Variants in SMYD3 observed in about 807,000 individuals in gnomAD.
The protein encoded by SMYD3 is SET and MYND domain containing 3.
A neutral mutation model predicts 57.7 loss-of-function variants in SMYD3; 36 were observed. The observed-to-expected ratio is 0.62, with a 90% CI of 0.48 to 0.82. The LOEUF is 0.82. Ranked by LOEUF, SMYD3 falls within the 40% of genes least tolerant of loss-of-function variation. The probability of loss-of-function intolerance (pLI) is 0.00; values close to 1 mark genes in which losing one functional copy is unlikely to be tolerated. For synonymous variants in SMYD3, 211 were observed against 195.0 expected (o/e 1.08, Z -0.68); for missense variants, 515 against 538.8 (o/e 0.96, Z 0.44).
chr1:246,363,073 C>T (rs2066026949), intron 1 of SMYD3, among the ~76,000 whole-genome samples: 1 of 151,720 alleles, frequency 6.6e-6, no homozygotes, highest in Admixed American at 6.6e-5. Flanking sequence ...TCTGCCCCAC[C>T]GCCCCTTCTG....
chr1:246,077,847 G>A (rs1000801425), intron 5 of SMYD3, among the ~76,000 whole-genome samples: 3 of 151,216 alleles, frequency 2.0e-5, no homozygotes, highest in African/African-American at 4.9e-5. Flanking sequence ...ACTCTTTAAG[G>A]GAAGGAATTG....
chr1:245,779,451 C>T (rs1161144566), intron 10 of SMYD3, among the ~76,000 whole-genome samples: 1 of 152,184 alleles, frequency 6.6e-6, no homozygotes, highest in Non-Finnish European at 1.5e-5. Flanking sequence ...CCCTTTACCA[C>T]AGGTCAACAG....
At chr1:246,332,493 A>T (rs1287916863) in intron 3 of SMYD3, among the ~76,000 whole-genome samples, 1 of 152,250 alleles carries the variant, frequency 6.6e-6, no homozygotes, top group Non-Finnish European at 1.5e-5. Flanking sequence ...TTAAGGAAAG[A>T]AGCCATCTCC....
chr1:245,920,224 G>A (rs184204823), intron 7 of SMYD3, among the ~76,000 whole-genome samples: 193 of 150,138 alleles, frequency 1.3e-3, no homozygotes, highest in South Asian at 8.8e-3. Flanking sequence ...GAGGCAGGAG[G>A]ATGGCGTGAA....
chr1:246,416,395 T>G (rs1045549027), intron 1 of SMYD3, among the ~76,000 whole-genome samples: 14 of 152,162 alleles, frequency 9.2e-5, no homozygotes, highest in Non-Finnish European at 1.9e-4. Flanking sequence ...AAGCTTAGTA[T>G]TCAAATCTGC....
intron 5 of SMYD3, among the ~76,000 whole-genome samples, chr1:246,094,795 T>G (rs1420629122): frequency 2.6e-5 from 4 of 152,086 alleles, no homozygotes; most frequent in African/African-American, 4.8e-5. Flanking sequence ...GAAATCAGTA[T>G]CATAACAAAC....
chr1:246,390,131 T>C (rs2148765943), intron 1 of SMYD3, among the ~76,000 whole-genome samples: 1 of 140,406 alleles, frequency 7.1e-6, no homozygotes, highest in East Asian at 2.2e-4. Context: ...GGAGGATCCC[T>C]TGAGCCCAGG....
chr1:246,029,634 T>C (rs1193429749), intron 5 of SMYD3, among the ~76,000 whole-genome samples: 6 of 139,132 alleles, frequency 4.3e-5, no homozygotes, highest in Admixed American at 2.3e-4. Context: ...ATCCTACCAC[T>C]GCACTCCAGC....
chr1:246,087,881 C>G (rs2060745868), intron 5 of SMYD3, among the ~76,000 whole-genome samples: 2 of 152,126 alleles, frequency 1.3e-5, no homozygotes, highest in African/African-American at 2.4e-5. Context: ...CAACTCTAAC[C>G]AACTACATCA....
intron 5 of SMYD3, among the ~76,000 whole-genome samples, chr1:245,952,167 T>A (rs1275761336): frequency 6.6e-6 from 1 of 152,170 alleles, no homozygotes; most frequent in Non-Finnish European, 1.5e-5. Flanking sequence ...AATTATACCA[T>A]GATAAAGCTG....
In SMYD3 at chr1:246,459,226, G is replaced by A. The variant is rs61839804; in HGVS notation, c.164+47828C>T. On this transcript the variant is annotated intron_variant, in intron 1 of 11. Transcript: ENST00000490107. ...CTTGTTATTTGAAAGTGTGTGACAC[G>A]TCCCCCTTCACTCTCTCCTGCTCTG... Among the ~76,000 whole-genome samples the A allele has an allele frequency of 4.3e-3, 652 of 150,268 alleles. 2 individuals carry two copies. The highest frequency in any genetic ancestry group is 5.8e-3 in the Non-Finnish European group (392 of 67,754).
intron 5 of SMYD3, among the ~76,000 whole-genome samples, chr1:246,324,499 A>T (rs12029390): frequency 0.015 from 2,308 of 152,058 alleles, 81 homozygotes; most frequent in East Asian, 0.13. Flanking sequence ...ATGAATGTAA[A>T]TGAGAGGAAC....
chr1:245,956,921 C>A (rs2057861993), intron 5 of SMYD3, among the ~76,000 whole-genome samples: 1 of 152,192 alleles, frequency 6.6e-6, no homozygotes, highest in Non-Finnish European at 1.5e-5. Flanking sequence ...ATATTGGATG[C>A]CAGCTCTTGA....
Position 246,335,449 on chromosome 1 carries a change from C to A in SMYD3, c.254G>T (p.Arg85Leu), listed in dbSNP as rs1431606369. ...CQKKAWPDHKRECKCLKSCKP... is the reference protein window; with the variant it reads ...CQKKAWPDHKLECKCLKSCKP... ...GCAGCTTTTAAGGCATTTGCATTCC[C>A]GCTTGTGGTCTGGCCAAGCTTTTTT... is the stretch of plus-strand genomic sequence containing the variant. Residue 85 changes from arginine (R) to leucine (L), a missense_variant, in exon 3 of 12, where the codon CGG becomes CTG. Transcript: ENST00000490107. 6.2e-7 allele frequency: 1 copy of A among 1,614,102 alleles called. No individual in the cohort carries two copies. The highest frequency in any genetic ancestry group is 2.2e-5 in the East Asian group (1 of 44,882).
chr1:246,383,205 C>T (rs2148754928), intron 1 of SMYD3, among the ~76,000 whole-genome samples: 1 of 152,364 alleles, frequency 6.6e-6, no homozygotes, highest in Non-Finnish European at 1.5e-5. Flanking sequence ...GCATGAAAGA[C>T]ACCAAAGGAA....
intron 1 of SMYD3, among the ~76,000 whole-genome samples, chr1:246,469,846 T>A (rs187022332): frequency 2.0e-4 from 30 of 152,292 alleles, no homozygotes; most frequent in African/African-American, 7.2e-4. Flanking sequence ...GCTCATTAGT[T>A]ACAAGGGGAA....
In SMYD3 at chr1:246,492,712, A is replaced by G. The variant is rs532107862; in HGVS notation, c.164+14342T>C. ...TCTATGATCCTCTGAGGATGCCTGG[A>G]TAACAACTACATGTACCACTACAAA... On this transcript the variant is annotated intron_variant, in intron 1 of 11. Transcript: ENST00000490107. 2.0e-5 allele frequency among the ~76,000 whole-genome samples: 3 copies of G among 152,350 alleles called. No homozygotes were observed. The East Asian group carries it at 5.8e-4, about 29-fold the overall frequency.
intron 5 of SMYD3, among the ~76,000 whole-genome samples, chr1:246,035,903 T>C (rs9660203): frequency 0.46 from 69,811 of 151,772 alleles, 18,237 homozygotes; most frequent in East Asian, 0.95. Flanking sequence ...ATTCTAAAGA[T>C]GCAGCTCTAA....
chr1:246,376,572 C>T (rs2148739894), intron 1 of SMYD3, among the ~76,000 whole-genome samples: 1 of 124,730 alleles, frequency 8.0e-6, no homozygotes, highest in Non-Finnish European at 1.6e-5. Flanking sequence ...GCCTGGGCAA[C>T]AGTGCGACAC....
Sources: allele counts gnomAD v4.1 joint callset (sites outside exome capture counted in the v4.1 genomes callset), GRCh38; gene constraint gnomAD v4.1.1; transcripts MANE v1.5; gene names NCBI Gene and HGNC (gene_info 2026-07-23, HGNC 2026-07-21).